The following PRKAG2 variants were observed in gnomAD, a reference collection of about 807,000 sequenced individuals.
PRKAG2 encodes 5'-AMP-activated protein kinase subunit gamma-2.
In PRKAG2, 26 loss-of-function variants were observed where a neutral mutation model predicts 69.6. The observed-to-expected ratio is 0.37, with a 90% CI of 0.27 to 0.52. PRKAG2 has a LOEUF of 0.52. PRKAG2 is among the 20% of genes least tolerant of loss of function. The pLI is 0.90. For missense variants in PRKAG2, 557 were observed against 740.0 expected (o/e 0.75, Z 2.87); for synonymous variants, 293 against 285.0 (o/e 1.03, Z -0.28).
In PRKAG2 at chr7:151,699,052, G is replaced by A. The variant is rs781597007; in HGVS notation, c.467-23415C>T. Among the ~76,000 whole-genome samples the A allele has an allele frequency of 2.6e-5, 4 of 152,188 alleles. No individual in the cohort carries two copies. The highest frequency in any genetic ancestry group is 5.9e-5 in the Non-Finnish European group (4 of 68,024). ...GGCCGTGGGAGGGTTTCAGGACAGGGTACAGGAAATGACCTGCAAGTCTGC... is the reference window on the plus strand; with the variant it reads ...GGCCGTGGGAGGGTTTCAGGACAGGATACAGGAAATGACCTGCAAGTCTGC... On this transcript the variant is annotated intron_variant, in intron 3 of 15. Coordinates refer to ENST00000287878, the MANE Select transcript of PRKAG2 (RefSeq NM_016203.4). This position sits in a 1 kb window ranked among gnomAD's most constrained non-coding sequence, Gnocchi z 4.5.
At position 151,756,712 on chromosome 7, in the gene PRKAG2, A is replaced by G. The variant is rs1322559244; in HGVS notation, c.466+24440T>C. Among the ~76,000 whole-genome samples, 3 of 150,494 alleles carry G rather than the reference A, an allele frequency of 2.0e-5. No individual in the cohort carries two copies. Among genetic ancestry groups the G allele is most frequent in the African/African-American group, 7.4e-5 (3 of 40,732 alleles). On this transcript the variant is annotated intron_variant, in intron 3 of 15. Transcript: ENST00000287878. This position sits in a 1 kb window ranked among gnomAD's most constrained non-coding sequence, Gnocchi z 4.9. ...CAGCGCCGCCCTCTTCCCTTCTCCC[A>G]CCTGGGGTGGGAAAGGATTTTCCTT...
intron 3 of PRKAG2, among the ~76,000 whole-genome samples, chr7:151,773,246 G>GA (rs2076175803): frequency 2.6e-5 from 4 of 151,636 alleles, no homozygotes; most frequent in African/African-American, 9.7e-5. Context: ...AGGAAAGAAA[G>GA]AAGGAAAGAA....
chr7:151,631,183 G>A (rs766030734), intron 5 of PRKAG2, among the ~76,000 whole-genome samples: 1 of 152,190 alleles, frequency 6.6e-6, no homozygotes, highest in Non-Finnish European at 1.5e-5. Context: ...AAAAAGAGAA[G>A]TTGCTAAATA....
intron 3 of PRKAG2, among the ~76,000 whole-genome samples, chr7:151,680,360 C>T (rs892886843): frequency 6.6e-6 from 1 of 152,174 alleles, no homozygotes; most frequent in African/African-American, 2.4e-5. Context: ...CACAGGCAGC[C>T]ACCATTCCTG....
intron 3 of PRKAG2, among the ~76,000 whole-genome samples, chr7:151,770,654 G>T (rs142069121): frequency 4.6e-5 from 7 of 152,236 alleles, no homozygotes; most frequent in East Asian, 1.9e-4. Flanking sequence ...GCTGGGAGGA[G>T]TGAGGGCTCT....
intron 7 of PRKAG2, chr7:151,576,058 A>C (rs1391949790): frequency 5.0e-6 from 2 of 396,152 alleles, no homozygotes; most frequent in Non-Finnish European, 9.4e-6. Context: ...CATGGCCTTG[A>C]CCTCCTGGGC....
At position 151,732,133 on chromosome 7, in the gene PRKAG2, CTTTTTTT is replaced by C. The variant is rs59078328; in HGVS notation, c.466+49012_466+49018del. Among the ~76,000 whole-genome samples the C allele has an allele frequency of 6.0e-4, 57 of 94,872 alleles. 1 individual carries two copies. In the South Asian group the frequency reaches 0.019, roughly 31 times the overall value. The allele number at this position is 94,872 out of a possible 152,430, so 62.2% of individuals were successfully genotyped here. On this transcript the variant is annotated intron_variant, in intron 3 of 15. Transcript: ENST00000287878. ...CACAGGCATGAGCCACAGCACCTGG[CTTTTTTT>C]TTTTTTTTTTTTTTTGAGACAGGGT...
intron 1 of PRKAG2, among the ~76,000 whole-genome samples, chr7:151,857,771 T>G (rs2079822809): frequency 6.6e-6 from 1 of 152,224 alleles, no homozygotes; most frequent in Non-Finnish European, 1.5e-5. Context: ...TCTTTTCCCT[T>G]CAGGTCTGAA....
intron 1 of PRKAG2, among the ~76,000 whole-genome samples, chr7:151,808,433 T>G (rs2078233404): frequency 6.6e-6 from 1 of 152,114 alleles, no homozygotes; most frequent in Non-Finnish European, 1.5e-5. Flanking sequence ...ATGATTTTGT[T>G]CCTCAGATAA....
rs1280550881 is a variant in PRKAG2 at position 151,814,377 on chromosome 7, C to G, written c.115-27836G>C. ...CCGCACACCCAGGGACGCACAATCA[C>G]TATGCATTTAGAAAGCCAGCTCCCG... On this transcript the variant is annotated intron_variant, in intron 1 of 15. Coordinates refer to ENST00000287878, the MANE Select transcript of PRKAG2 (RefSeq NM_016203.4). This position sits in a 1 kb window ranked among gnomAD's most constrained non-coding sequence, Gnocchi z 4.8. 1 of 1,200,580 alleles carries G rather than the reference C, an allele frequency of 8.3e-7. No homozygotes were observed. Among genetic ancestry groups the G allele is most frequent in the Non-Finnish European group, 1.0e-6 (1 of 964,850 alleles). 74.4% of individuals were successfully genotyped at this position (1,200,580 alleles called of 1,614,324 possible).
chr7:151,813,590 T>C (rs904631924), intron 1 of PRKAG2, among the ~76,000 whole-genome samples: 16 of 152,202 alleles, frequency 1.1e-4, no homozygotes, highest in African/African-American at 3.6e-4. Context: ...AATCTAGTAC[T>C]TTCCAGCCTG....
chr7:151,820,587 C>G (rs1323050283), intron 1 of PRKAG2, among the ~76,000 whole-genome samples: 1 of 115,106 alleles, frequency 8.7e-6, no homozygotes, highest in Non-Finnish European at 1.9e-5. Context: ...AGGGCACACT[C>G]TACTCGGAAC....
At chr7:151,718,657 C>A (rs1309365495) in intron 3 of PRKAG2, among the ~76,000 whole-genome samples, 5 of 127,368 alleles carry the variant, frequency 3.9e-5, no homozygotes, top group Non-Finnish European at 8.2e-5. Context: ...CAAAAAAACC[C>A]AGGTTTTTTT....
intron 1 of PRKAG2, among the ~76,000 whole-genome samples, chr7:151,833,420 G>A (rs769999012): frequency 5.3e-5 from 8 of 152,202 alleles, no homozygotes; most frequent in Non-Finnish European, 8.8e-5. Context: ...GAGCGGAGGA[G>A]GCCCTGGAAA....
intron 1 of PRKAG2, among the ~76,000 whole-genome samples, chr7:151,799,615 G>A (rs375027357): frequency 1.6e-4 from 25 of 152,318 alleles, no homozygotes; most frequent in South Asian, 1.0e-3. Context: ...GGCGGCAGCC[G>A]CTCCAGGAAC....
chr7:151,852,792 CT>C (rs1267653995), intron 1 of PRKAG2, among the ~76,000 whole-genome samples: 3 of 152,156 alleles, frequency 2.0e-5, no homozygotes, highest in African/African-American at 4.8e-5. Flanking sequence ...GAGCCCTGCA[CT>C]CCACGAGAAT....
chr7:151,735,753 G>T lies in PRKAG2; in HGVS notation c.466+45399C>A, dbSNP rs1799677302. Reference sequence around the variant, plus strand: ...CCATCAGCAAGGAAACACTTCCCACGTATTCCTCTAACCACCGCCTGATGT... The same window carrying T: ...CCATCAGCAAGGAAACACTTCCCACTTATTCCTCTAACCACCGCCTGATGT... On this transcript the variant is annotated intron_variant, in intron 3 of 15. Coordinates refer to ENST00000287878, the MANE Select transcript of PRKAG2 (RefSeq NM_016203.4). 2.7e-6 allele frequency: 3 copies of T among 1,107,010 alleles called. 1 individual carries two copies. Among genetic ancestry groups the T allele is most frequent in the South Asian group, 3.2e-5 (2 of 62,912 alleles). 68.6% of individuals were successfully genotyped at this position (1,107,010 alleles called of 1,614,324 possible). A position where few individuals can be genotyped will look rare whatever the true frequency, so the allele number is the denominator to read the frequency against.
rs116405639 is a variant in PRKAG2, at chr7:151,628,852, T to C, written c.754+3217A>G. Reference sequence around the variant, plus strand: ...AGAACTTGCTATGTGCCAGCTGTGGTAGCAGGCACGGGGGAGAGAAAGGTG... The same window carrying C: ...AGAACTTGCTATGTGCCAGCTGTGGCAGCAGGCACGGGGGAGAGAAAGGTG... On this transcript the variant is annotated intron_variant, in intron 5 of 15. Transcript: ENST00000287878. Among the ~76,000 whole-genome samples, 1,101 of 152,258 alleles carry C rather than the reference T, an allele frequency of 7.2e-3. 10 individuals are homozygous for C. Among genetic ancestry groups the C allele is most frequent in the African/African-American group, 0.025 (1,049 of 41,538 alleles).
chr7:151,559,887 C>G (rs7806619), intron 15 of PRKAG2: 396,265 of 984,750 alleles, frequency 0.4, 80,735 homozygotes, highest in East Asian at 0.46. Context: ...TAAGAACTCT[C>G]AAGCCCACCT....
Sources: gnomAD v4.1 joint callset for allele counts (sites outside exome capture counted in the v4.1 genomes callset) on GRCh38, gnomAD v4.1.1 for gene constraint, Gnocchi (gnomAD v3.1) non-coding constraint, MANE v1.5 for transcripts, NCBI Gene and HGNC (gene_info 2026-07-23, HGNC 2026-07-21) for gene names.